Variants in SNX13 observed in about 807,000 individuals in gnomAD.
SNX13 encodes the protein sorting nexin-13.
SNX13 carries 45 observed loss-of-function variants against 133.6 expected under a neutral mutation model. That is an observed-to-expected ratio of 0.34 (90% CI 0.27 to 0.43). The LOEUF is 0.43. Ranked by LOEUF, SNX13 falls within the 20% of genes least tolerant of loss-of-function variation. SNX13 has a pLI of 1.00. For missense variants in SNX13, 1,032 were observed against 1,145.1 expected (o/e 0.90, Z 1.43); for synonymous variants, 414 against 373.9 (o/e 1.11, Z -1.24).
In SNX13 at chr7:17,790,862, T is replaced by C. The variant is rs1783471140; in HGVS notation, c.*3183A>G. 2 of 152,066 alleles carry C rather than the reference T, an allele frequency of 1.3e-5. No homozygotes were observed. The highest frequency in any genetic ancestry group is 4.1e-4 in the South Asian group (2 of 4,830). 9.4% of individuals were successfully genotyped at this position (152,066 alleles called of 1,614,324 possible). A position where few individuals can be genotyped will look rare whatever the true frequency, so the allele number is the denominator to read the frequency against. On this transcript the variant is annotated 3_prime_UTR_variant, in exon 26 of 26. Coordinates refer to ENST00000428135, the MANE Select transcript of SNX13 (RefSeq NM_015132.5). ...ATAAAAATAACTGACATTCTGATTGTTGTTTCTTCTTTGTTAAAGAAAGAA... is the reference window on the plus strand; with the variant it reads ...ATAAAAATAACTGACATTCTGATTGCTGTTTCTTCTTTGTTAAAGAAAGAA...
At chr7:17,866,488 A>T (rs1793411630) in intron 9 of SNX13, among the ~76,000 whole-genome samples, 1 of 152,224 alleles carries the variant, frequency 6.6e-6, no homozygotes, top group African/African-American at 2.4e-5. Context: ...AGGCAATAAC[A>T]AATGCTTGCA....
At chr7:17,911,340 G>C (rs898862814) in intron 1 of SNX13, among the ~76,000 whole-genome samples, 13 of 152,140 alleles carry the variant, frequency 8.5e-5, no homozygotes, top group Non-Finnish European at 1.3e-4. Flanking sequence ...AAAGTCATTA[G>C]AAAGCTAAAC....
intron 1 of SNX13, among the ~76,000 whole-genome samples, chr7:17,918,215 T>C (rs766148125): frequency 1.3e-5 from 2 of 152,168 alleles, no homozygotes; most frequent in African/African-American, 2.4e-5. Context: ...CTTCTGAACA[T>C]TGGCTTAGCC....
intron 15 of SNX13, chr7:17,832,119 T>TA: frequency 1.0e-6 from 1 of 984,176 alleles, no homozygotes; most frequent in South Asian, 4.7e-5. Context: ...TGTGAGGGGT[T>TA]ACTCAATAAC....
chr7:17,842,477 G>C (rs1790012966), intron 12 of SNX13, among the ~76,000 whole-genome samples: 1 of 151,786 alleles, frequency 6.6e-6, no homozygotes, highest in African/African-American at 2.4e-5. Context: ...TAAACAAAAG[G>C]ACACTAGATA....
chr7:17,891,732 ATCC>A, intron 3 of SNX13, 97 bp from the exon 4 acceptor site: 1 of 707,478 alleles, frequency 1.4e-6, no homozygotes, highest in African/African-American at 1.8e-5. Flanking sequence ...TCCCTTCATT[ATCC>A]TCAAGTAAAT....
chr7:17,927,809 G>A, intron 1 of SNX13, among the ~76,000 whole-genome samples: 1 of 152,092 alleles, frequency 6.6e-6, no homozygotes, highest in Non-Finnish European at 1.5e-5. Context: ...TCAGTTACAT[G>A]GAAATTCACC....
intron 8 of SNX13, among the ~76,000 whole-genome samples, chr7:17,872,751 A>G (rs548646747): frequency 6.6e-6 from 1 of 152,350 alleles, no homozygotes; most frequent in Non-Finnish European, 1.5e-5. Context: ...AGGACAGACT[A>G]AAGAGATCAT....
At chr7:17,925,646 T>G (rs942888625) in intron 1 of SNX13, among the ~76,000 whole-genome samples, 10 of 152,192 alleles carry the variant, frequency 6.6e-5, no homozygotes, top group African/African-American at 2.4e-4. Context: ...CATGAGACAC[T>G]TGGCAATGTA....
chr7:17,940,246 C>T (rs1276281907), intron 1 of SNX13, 38 bp downstream of exon 1: 1 of 1,554,012 alleles, frequency 6.4e-7, no homozygotes, highest in South Asian at 1.2e-5. Flanking sequence ...GCCCCTTCCC[C>T]ATTTCACAGG....
Position 17,845,675 on chromosome 7 carries a change from A to G in SNX13, c.1085T>C (p.Leu362Pro). The change falls in exon 12 of 26, where the codon CTT (leucine) becomes CCT (proline). Residue 362 changes from leucine (L) to proline (P), a missense_variant. By Grantham distance (98) the Leu-to-Pro change is moderately conservative (BLOSUM62 -3). Coordinates refer to ENST00000428135, the MANE Select transcript of SNX13 (RefSeq NM_015132.5). The part of the protein sequence containing the change: ...QSGKEINTVK[L>P]AANFGKLCTV... ...GCAAAGTTTCCCAAAGTTTGCTGCA[A>G]GTTTCACAGTATTTATTTCCTACAG... 6.3e-7 allele frequency: 1 copy of G among 1,597,822 alleles called. No individual in the cohort carries two copies. Among genetic ancestry groups the G allele is most frequent in the Non-Finnish European group, 8.5e-7 (1 of 1,172,118 alleles).
At chr7:17,850,466 TG>T in intron 10 of SNX13, 31 bp from the exon 11 acceptor site, 1 of 1,332,250 alleles carries the variant, frequency 7.5e-7, no homozygotes. Context: ...AACTAGAAAG[TG>T]GTAGTGTTAT....
At chr7:17,905,566 C>T (rs528807041) in intron 1 of SNX13, among the ~76,000 whole-genome samples, 3 of 152,298 alleles carry the variant, frequency 2.0e-5, no homozygotes, top group Admixed American at 1.3e-4. Context: ...TTTACAATTA[C>T]CCAATTCTTT....
At chr7:17,939,080 G>A (rs1802451070) in intron 1 of SNX13, among the ~76,000 whole-genome samples, 1 of 152,196 alleles carries the variant, frequency 6.6e-6, no homozygotes, top group Admixed American at 6.5e-5. Flanking sequence ...GCCAGGCTCT[G>A]TGCTTAGATT....
intron 25 of SNX13, 57 bp downstream of exon 25, chr7:17,796,770 T>C: frequency 7.6e-7 from 1 of 1,319,338 alleles, no homozygotes; most frequent in East Asian, 2.3e-5. Context: ...TGATGAATGC[T>C]AAAAACTCAG....
chr7:17,841,079 C>T (rs1233729105), intron 12 of SNX13, among the ~76,000 whole-genome samples: 1 of 152,092 alleles, frequency 6.6e-6, no homozygotes, highest in Non-Finnish European at 1.5e-5. Context: ...CAAAAAACAA[C>T]TTGTCCTTCA....
intron 17 of SNX13, among the ~76,000 whole-genome samples, chr7:17,824,414 G>A (rs985130223): frequency 2.6e-5 from 4 of 152,122 alleles, no homozygotes; most frequent in Non-Finnish European, 5.9e-5. Context: ...AAGAGACTCT[G>A]AAGTCCAGTT....
intron 20 of SNX13, among the ~76,000 whole-genome samples, chr7:17,805,254 TGCGCGC>T (rs56000068): frequency 7.6e-6 from 1 of 132,440 alleles, no homozygotes; most frequent in Admixed American, 7.6e-5. Context: ...TGTGTGTGCG[TGCGCGC>T]GCGCGCATGC....
intron 21 of SNX13, 92 bp from the exon 22 acceptor site, chr7:17,801,751 T>A (rs900341576): frequency 2.4e-5 from 22 of 916,820 alleles, no homozygotes; most frequent in Non-Finnish European, 3.6e-5. Context: ...GTATCAGCAT[T>A]TGATCTGACT....
Sources: allele counts gnomAD v4.1 joint callset (sites outside exome capture counted in the v4.1 genomes callset), GRCh38; gene constraint gnomAD v4.1.1; transcripts MANE v1.5; gene names NCBI Gene and HGNC (gene_info 2026-07-23, HGNC 2026-07-21).